CACNB2: variants seen among roughly 807,000 people sequenced by gnomAD.
The protein encoded by CACNB2 is calcium voltage-gated channel auxiliary subunit beta 2.
A neutral mutation model predicts 73.3 loss-of-function variants in CACNB2; 42 were observed. The observed-to-expected ratio is 0.57, with a 90% CI of 0.45 to 0.74. CACNB2 has a LOEUF of 0.74. Ranked by LOEUF, CACNB2 falls within the 30% of genes least tolerant of loss-of-function variation. The pLI, the probability that CACNB2 is intolerant of heterozygous loss-of-function variation, is 0.00. For missense variants in CACNB2, 940 were observed against 853.0 expected (o/e 1.10, Z -1.27); for synonymous variants, 348 against 310.3 (o/e 1.12, Z -1.28).
intron 2 of CACNB2, among the ~76,000 whole-genome samples, chr10:18,228,433 C>CACAAAAAAAAA (rs2036087284): frequency 5.7e-5 from 2 of 34,798 alleles, no homozygotes; most frequent in African/African-American, 1.1e-4. Flanking sequence ...AACTCTACCT[C>CACAAAAAAAAA]AAAAAAAAAA....
intron 1 of CACNB2, among the ~76,000 whole-genome samples, chr10:18,150,603 C>A (rs542988593): frequency 6.6e-6 from 1 of 152,102 alleles, no homozygotes; most frequent in Admixed American, 6.5e-5. Context: ...GCGGAGGTTG[C>A]GGTGAGCCAA....
chr10:18,148,353 G>A (rs2031200282), intron 1 of CACNB2, among the ~76,000 whole-genome samples: 1 of 152,134 alleles, frequency 6.6e-6, no homozygotes, highest in Non-Finnish European at 1.5e-5. Flanking sequence ...GTTGTTTGGT[G>A]TATAAACTAT....
At chr10:18,202,893 C>T (rs547379477) in intron 2 of CACNB2, among the ~76,000 whole-genome samples, 2 of 152,296 alleles carry the variant, frequency 1.3e-5, no homozygotes, top group East Asian at 3.9e-4. Context: ...TACAGACTGA[C>T]ACTGTATAAT....
intron 2 of CACNB2, among the ~76,000 whole-genome samples, chr10:18,252,424 C>T (rs1406982200): frequency 2.0e-5 from 3 of 152,034 alleles, no homozygotes; most frequent in Non-Finnish European, 4.4e-5. Flanking sequence ...TTTGAGTTGG[C>T]TGCTCGAAAG....
rs2040038675 is a variant in CACNB2, at chr10:18,313,476, G to A, written c.214-88448G>A. Among the ~76,000 whole-genome samples the A allele has an allele frequency of 2.6e-5, 4 of 151,538 alleles. 1 individual carries two copies. Among genetic ancestry groups the A allele is most frequent in the Admixed American group, 2.6e-4 (4 of 15,154 alleles). ...AAAATTACCACCATTTTATAACCATGCCAATTGCTGTGTATTTTTTTAAAT... is the reference window on the plus strand; with the variant it reads ...AAAATTACCACCATTTTATAACCATACCAATTGCTGTGTATTTTTTTAAAT... On this transcript the variant is annotated intron_variant, in intron 2 of 13. Coordinates refer to ENST00000324631, the MANE Select transcript of CACNB2 (RefSeq NM_201596.3).
rs1588552658 is a variant in CACNB2, at chr10:18,150,877, T to TTTTTTTTTTTTTC, written c.121-3_121-2insTTTTTTTTTCTTT. 1 of 1,342,610 alleles carries TTTTTTTTTTTTTC rather than the reference T, an allele frequency of 7.4e-7. No homozygotes were observed. The highest frequency in any genetic ancestry group is 2.4e-5 in the East Asian group (1 of 41,870). The allele number at this position is 1,342,610 out of a possible 1,614,324, so 83.2% of individuals were successfully genotyped here. On this transcript the variant is annotated splice_polypyrimidine_tract_variant and splice_region_variant and intron_variant, in intron 1 of 13. Transcript: ENST00000324631. ...TGTCTTTTTTTTTTTTTTTTTTTTT[T>TTTTTTTTTTTTTC]TTTAGTCATATGGAAAAGGAGCCAG...
intron 3 of CACNB2, among the ~76,000 whole-genome samples, chr10:18,405,178 G>A (rs1358796439): frequency 6.6e-6 from 1 of 152,108 alleles, no homozygotes; most frequent in Non-Finnish European, 1.5e-5. Flanking sequence ...ATGTTCAGAG[G>A]TGTACAACCA....
intron 2 of CACNB2, among the ~76,000 whole-genome samples, chr10:18,245,629 T>A (rs932983326): frequency 7.9e-5 from 12 of 152,042 alleles, no homozygotes; most frequent in Non-Finnish European, 1.5e-4. Context: ...TCACACCTGG[T>A]CTCCTCCTGT....
At chr10:18,378,764 C>T (rs780888131) in intron 2 of CACNB2, among the ~76,000 whole-genome samples, 13 of 152,198 alleles carry the variant, frequency 8.5e-5, no homozygotes, top group Admixed American at 2.0e-4. Flanking sequence ...ATAGACTCCA[C>T]GGTGGCCTGA....
At chr10:18,467,756 T>A (rs932915847) in intron 3 of CACNB2, among the ~76,000 whole-genome samples, 5 of 152,204 alleles carry the variant, frequency 3.3e-5, no homozygotes, top group Non-Finnish European at 7.3e-5. Flanking sequence ...CTTGCTCCTC[T>A]TCTAAACCCC....
intron 2 of CACNB2, among the ~76,000 whole-genome samples, chr10:18,188,356 G>A (rs1211701489): frequency 6.6e-6 from 1 of 151,968 alleles, no homozygotes. Flanking sequence ...TGTTGTGCAG[G>A]GATGCAGTGG....
At chr10:18,365,570 G>C (rs1386822867) in intron 2 of CACNB2, among the ~76,000 whole-genome samples, 1 of 152,138 alleles carries the variant, frequency 6.6e-6, no homozygotes, top group Non-Finnish European at 1.5e-5. Flanking sequence ...ATTAAAACAT[G>C]ATGGCTTTCT....
intron 3 of CACNB2, among the ~76,000 whole-genome samples, chr10:18,485,914 ATT>A (rs11317567): frequency 0.051 from 6,995 of 138,406 alleles, 283 homozygotes; most frequent in African/African-American, 0.12. Flanking sequence ...GATCTGGGTC[ATT>A]TTTTTTTTTT....
chr10:18,369,420 A>C (rs191426031), intron 2 of CACNB2, among the ~76,000 whole-genome samples: 6 of 152,216 alleles, frequency 3.9e-5, no homozygotes, highest in Admixed American at 3.9e-4. Context: ...TCACATCAGG[A>C]TTTTTATTTT....
chr10:18,149,275 G>C (rs2031294613), intron 1 of CACNB2, among the ~76,000 whole-genome samples: 1 of 151,728 alleles, frequency 6.6e-6, no homozygotes, highest in Non-Finnish European at 1.5e-5. Flanking sequence ...ATAATAATTG[G>C]AAAAGAAAAA....
intron 3 of CACNB2, among the ~76,000 whole-genome samples, chr10:18,461,165 C>T (rs11014337): frequency 0.16 from 24,879 of 152,112 alleles, 2,249 homozygotes; most frequent in East Asian, 0.22. Context: ...CTGCACACCT[C>T]GGCCTCCCAA....
chr10:18,523,240 C>G (rs2052102914), intron 9 of CACNB2, among the ~76,000 whole-genome samples: 1 of 152,080 alleles, frequency 6.6e-6, no homozygotes, highest in African/African-American at 2.4e-5. Context: ...AAAAATTCTG[C>G]TAACAAAGGC....
chr10:18,307,070 T>A (rs2039757534), intron 2 of CACNB2, among the ~76,000 whole-genome samples: 1 of 151,862 alleles, frequency 6.6e-6, no homozygotes, highest in Non-Finnish European at 1.5e-5. Context: ...GTATTTCACA[T>A]CCTGATTATG....
intron 2 of CACNB2, among the ~76,000 whole-genome samples, chr10:18,358,954 CTCTTATGCAA>C: frequency 6.6e-6 from 1 of 151,988 alleles, no homozygotes; most frequent in East Asian, 1.9e-4. Flanking sequence ...TGGCGTTTTT[CTCTTATGCAA>C]TCTTTTTTAT....
Sources: gnomAD v4.1 joint callset for allele counts (sites outside exome capture counted in the v4.1 genomes callset) on GRCh38, gnomAD v4.1.1 for gene constraint, MANE v1.5 for transcripts, NCBI Gene and HGNC (gene_info 2026-07-23, HGNC 2026-07-21) for gene names.